LOXHD1: variants seen among roughly 807,000 people sequenced by gnomAD.
LOXHD1 encodes the protein lipoxygenase homology domain-containing protein 1.
In LOXHD1, 205 loss-of-function variants were observed where a neutral mutation model predicts 248.2. That is an observed-to-expected ratio of 0.83 (90% CI 0.74 to 0.93). The LOEUF (loss-of-function observed/expected upper bound fraction) is 0.93, where lower values mean the gene tolerates loss of function less well. Among genes scored for constraint, LOXHD1 ranks in the 40% least tolerant of loss-of-function variants. The pLI, the probability that LOXHD1 is intolerant of heterozygous loss-of-function variation, is 0.00. For missense variants in LOXHD1, 2,930 were observed against 2,971.6 expected, an observed-to-expected ratio of 0.99 and a Z score of 0.33; for synonymous variants, 1,113 against 1,162.8, an observed-to-expected ratio of 0.96 and a Z score of 0.87.
chr18:46,504,113 T>G (rs972439784), intron 37 of LOXHD1, among the ~76,000 whole-genome samples: 1 of 151,830 alleles, frequency 6.6e-6, no homozygotes, highest in Admixed American at 6.6e-5. Flanking sequence ...TGTTTTTGAC[T>G]GTTTTGTTTT....
intron 2 of LOXHD1, among the ~76,000 whole-genome samples, chr18:46,648,130 C>A (rs545584014): frequency 6.6e-6 from 1 of 152,244 alleles, no homozygotes; most frequent in African/African-American, 2.4e-5. Context: ...TGGTGGCACA[C>A]GCCTGTAGTT....
At chr18:46,580,731 A>G (rs959350789) in intron 12 of LOXHD1, among the ~76,000 whole-genome samples, 1 of 152,232 alleles carries the variant, frequency 6.6e-6, no homozygotes, top group Non-Finnish European at 1.5e-5. Flanking sequence ...GTGGAGGGAC[A>G]TCTTGGAGTG....
chr18:46,558,736 T>C (rs1017158306), intron 20 of LOXHD1, among the ~76,000 whole-genome samples: 16 of 152,330 alleles, frequency 1.1e-4, no homozygotes, highest in African/African-American at 2.4e-4. Flanking sequence ...TATAAAATCT[T>C]GAAGGGCAAA....
rs2039193863 is a variant in LOXHD1, at chr18:46,657,128, C to T, written c.-95G>A. 1 of 1,540,302 alleles carries T rather than the reference C, an allele frequency of 6.5e-7. No homozygotes were observed. Among genetic ancestry groups the T allele is most frequent in the Non-Finnish European group, 8.8e-7 (1 of 1,141,926 alleles). ...GACCTCCTCCCTGAGCTCTGGCGCC[C>T]ACGGCCCTCCTATAGCTCAGGCCTG... On this transcript the variant is annotated 5_prime_UTR_variant, in exon 1 of 41. Transcript: ENST00000642948.
chr18:46,506,033 G>A lies in LOXHD1; in HGVS notation c.5693-10C>T. ...GCATCAGTGCCTGCTCCTGGGGGGT[G>A]CACAAGGTGAGGCTTAGGGTGCCAG... On this transcript the variant is annotated splice_polypyrimidine_tract_variant and intron_variant, in intron 36 of 40. Transcript: ENST00000642948. The A allele has an allele frequency of 1.3e-6, 2 of 1,551,832 alleles. No homozygotes were observed. The highest frequency in any genetic ancestry group is 1.7e-6 in the Non-Finnish European group (2 of 1,146,894).
chr18:46,631,337 C>T (rs1356353880), intron 4 of LOXHD1, among the ~76,000 whole-genome samples: 2 of 152,206 alleles, frequency 1.3e-5, no homozygotes, highest in Non-Finnish European at 2.9e-5. Flanking sequence ...GTCTTGGTGG[C>T]TCATCTTGGT....
At chr18:46,542,598 A>T in intron 24 of LOXHD1, 129 bp downstream of exon 24, 1 of 1,164,196 alleles carries the variant, frequency 8.6e-7, no homozygotes, top group Non-Finnish European at 1.2e-6. Flanking sequence ...GGCTAAAGGG[A>T]TTAAGGAAGC....
chr18:46,545,396 G>T lies in LOXHD1; in HGVS notation c.3540C>A (p.Thr1180=), dbSNP rs927310866. The T allele has an allele frequency of 3.4e-5, 52 of 1,551,684 alleles. No individual in the cohort carries two copies. Among genetic ancestry groups the T allele is most frequent in the Non-Finnish European group, 4.4e-5 (50 of 1,146,834 alleles). Residue 1180 remains threonine (T), a synonymous_variant, in exon 23 of 41, where the codon ACC becomes ACA. Transcript: ENST00000642948. ...QKDKSTTFSV[T]IKTGVKKNAG... is the part of the protein sequence containing the mutation. ...CATTCTTCTTAACCCCAGTCTTTAT[G>T]GTCACTGAGAATGTGGTAGATTTAT...
At chr18:46,525,070 C>T (rs1421251700) in intron 29 of LOXHD1, among the ~76,000 whole-genome samples, 153 bp from the exon 30 acceptor site, 4 of 152,190 alleles carry the variant, frequency 2.6e-5, no homozygotes, top group African/African-American at 9.7e-5. Context: ...TCCCCAACAC[C>T]GAGCCTGTGG....
chr18:46,487,679 G>C (rs2033159114), intron 38 of LOXHD1, among the ~76,000 whole-genome samples: 1 of 152,200 alleles, frequency 6.6e-6, no homozygotes, highest in South Asian at 2.1e-4. Flanking sequence ...AAGCTATTAA[G>C]CTGAAATGGT....
At position 46,657,141 on chromosome 18, in the gene LOXHD1, T is replaced by C. The variant is rs1599083782; in HGVS notation, c.-108A>G. The C allele has an allele frequency of 5.3e-6, 8 of 1,519,422 alleles. No homozygotes were observed. Among genetic ancestry groups the C allele is most frequent in the East Asian group, 4.9e-5 (2 of 40,472 alleles). 94.1% of individuals were successfully genotyped at this position (1,519,422 alleles called of 1,614,324 possible). A position where few individuals can be genotyped will look rare whatever the true frequency, so the allele number is the denominator to read the frequency against. ...AGCTCTGGCGCCCACGGCCCTCCTA[T>C]AGCTCAGGCCTGGGTGGGCCAGAGT... On this transcript the variant is annotated 5_prime_UTR_variant, in exon 1 of 41. Coordinates refer to ENST00000642948, the MANE Select transcript of LOXHD1 (RefSeq NM_001384474.1).
At chr18:46,601,142 G>A in intron 8 of LOXHD1, 75 bp downstream of exon 8, 1 of 1,493,200 alleles carries the variant, frequency 6.7e-7, no homozygotes, top group Non-Finnish European at 9.0e-7. Flanking sequence ...TAGCATTCAG[G>A]TTAAAGTTTG....
chr18:46,525,839 T>C (rs2035802838), intron 29 of LOXHD1, among the ~76,000 whole-genome samples: 1 of 152,172 alleles, frequency 6.6e-6, no homozygotes, highest in Non-Finnish European at 1.5e-5. Flanking sequence ...GGATGCCCTC[T>C]GCCCCCAGGA....
chr18:46,534,643 C>A (rs1439367038), intron 26 of LOXHD1, among the ~76,000 whole-genome samples, 192 bp from the exon 27 acceptor site: 1 of 152,218 alleles, frequency 6.6e-6, no homozygotes. Flanking sequence ...CATGTCCCCT[C>A]TCTTAAAGTC....
chr18:46,641,164 C>T (rs1487412763), intron 3 of LOXHD1, among the ~76,000 whole-genome samples: 1 of 152,132 alleles, frequency 6.6e-6, no homozygotes, highest in African/African-American at 2.4e-5. Flanking sequence ...ATTCATGTGC[C>T]CCTTATTTCC....
intron 4 of LOXHD1, among the ~76,000 whole-genome samples, chr18:46,625,252 G>A (rs16939828): frequency 4.5e-4 from 68 of 152,294 alleles, no homozygotes; most frequent in Middle Eastern, 6.8e-3. Flanking sequence ...CGGTGTGTGC[G>A]TTGTTCCTTT....
At chr18:46,636,120 C>A (rs1222005301) in intron 4 of LOXHD1, among the ~76,000 whole-genome samples, 1 of 152,192 alleles carries the variant, frequency 6.6e-6, no homozygotes, top group Non-Finnish European at 1.5e-5. Flanking sequence ...TCAGCTTCTG[C>A]CTCCTTCCCT....
At chr18:46,608,213 A>C (rs1463879725) in intron 6 of LOXHD1, among the ~76,000 whole-genome samples, 1 of 152,214 alleles carries the variant, frequency 6.6e-6, no homozygotes, top group Non-Finnish European at 1.5e-5. Flanking sequence ...AAAGAAACGA[A>C]AAGTCTACTT....
At chr18:46,503,203 C>G (rs1043500189) in intron 37 of LOXHD1, among the ~76,000 whole-genome samples, 1 of 152,184 alleles carries the variant, frequency 6.6e-6, no homozygotes, top group African/African-American at 2.4e-5. Context: ...TAATGTACTT[C>G]TTTCTGATTA....
Sources: gnomAD v4.1 joint callset for allele counts (sites outside exome capture counted in the v4.1 genomes callset) on GRCh38, gnomAD v4.1.1 for gene constraint, MANE v1.5 for transcripts, NCBI Gene and HGNC (gene_info 2026-07-23, HGNC 2026-07-21) for gene names.